The following MYT1L variants were observed in gnomAD, a reference collection of about 807,000 sequenced individuals.
MYT1L encodes the protein myelin transcription factor 1-like protein.
Under a neutral mutation model 126.7 loss-of-function variants are expected in MYT1L, and 12 were observed. The observed-to-expected ratio is 0.09, with a 90% CI of 0.06 to 0.15. The LOEUF (loss-of-function observed/expected upper bound fraction) is 0.15, where lower values mean the gene tolerates loss of function less well. Ranked by LOEUF, MYT1L falls within the 10% of genes least tolerant of loss-of-function variation. The pLI, the probability that MYT1L is intolerant of heterozygous loss-of-function variation, is 1.00. For missense variants in MYT1L, 979 were observed against 1,585.2 expected, an observed-to-expected ratio of 0.62 and a Z score of 6.49; for synonymous variants, 541 against 604.2, an observed-to-expected ratio of 0.90 and a Z score of 1.53.
At chr2:1,949,196 T>C (rs758201189) in intron 8 of MYT1L, among the ~76,000 whole-genome samples, 21 of 152,344 alleles carry the variant, frequency 1.4e-4, no homozygotes, top group Middle Eastern at 6.8e-3. Context: ...TGTCTTATCC[T>C]TGGACTTCTC....
At chr2:1,959,889 G>A (rs1216365088) in intron 8 of MYT1L, among the ~76,000 whole-genome samples, 1 of 152,202 alleles carries the variant, frequency 6.6e-6, no homozygotes, top group Middle Eastern at 3.2e-3. Flanking sequence ...ATCTTATTAT[G>A]AATTATACAT....
chr2:2,064,926 C>T (rs765642479), intron 3 of MYT1L, among the ~76,000 whole-genome samples: 8 of 152,162 alleles, frequency 5.3e-5, no homozygotes, highest in Non-Finnish European at 1.0e-4. Context: ...GGTACAGTGA[C>T]TCTTGTGCCT....
At chr2:2,047,282 A>T (rs1247161896) in intron 4 of MYT1L, among the ~76,000 whole-genome samples, 1 of 152,184 alleles carries the variant, frequency 6.6e-6, no homozygotes, top group African/African-American at 2.4e-5. Flanking sequence ...ATATTCTATT[A>T]ATTCCCACCC....
chr2:1,917,445 G>T lies in MYT1L; in HGVS notation c.1484-106C>A. 1.5e-6 allele frequency: 2 copies of T among 1,377,134 alleles called. No individual in the cohort carries two copies. Among genetic ancestry groups the T allele is most frequent in the Non-Finnish European group, 2.0e-6 (2 of 1,006,798 alleles). 85.3% of individuals were successfully genotyped at this position (1,377,134 alleles called of 1,614,324 possible). A position where few individuals can be genotyped will look rare whatever the true frequency, so the allele number is the denominator to read the frequency against. On this transcript the variant is annotated intron_variant, in intron 10 of 24. Transcript: ENST00000647738. The surrounding 1 kb of genome is among the most constrained non-coding windows in gnomAD (Gnocchi z 5.9). ...CTTGCTAAAGAAAGAAATAAAGCAGGTGTCGGGGGCTAGGCTGTGACATCA... is the reference window on the plus strand; with the variant it reads ...CTTGCTAAAGAAAGAAATAAAGCAGTTGTCGGGGGCTAGGCTGTGACATCA...
At chr2:1,850,996 A>T (rs2043196402) in intron 19 of MYT1L, among the ~76,000 whole-genome samples, 1 of 151,926 alleles carries the variant, frequency 6.6e-6, no homozygotes, top group Admixed American at 6.6e-5. Context: ...CAAGTGGTAA[A>T]TTTTTTCTCG....
Position 2,090,909 on chromosome 2 carries a change from T to C in MYT1L, c.-303-36786A>G, listed in dbSNP as rs115373115. Among the ~76,000 whole-genome samples, 794 of 152,350 alleles carry C rather than the reference T, an allele frequency of 5.2e-3. 5 individuals carry two copies. Among genetic ancestry groups the C allele is most frequent in the African/African-American group, 0.018 (767 of 41,580 alleles). On this transcript the variant is annotated intron_variant, in intron 3 of 24. Coordinates refer to ENST00000647738, the MANE Select transcript of MYT1L (RefSeq NM_001303052.2). Reference sequence around the variant, plus strand: ...TCCTTCAGAAGCAACTCCTCATCCATTCAAGATTGATCATGAGATTGCAGC... The same window carrying C: ...TCCTTCAGAAGCAACTCCTCATCCACTCAAGATTGATCATGAGATTGCAGC...
At chr2:2,022,372 T>C (rs2065125035) in intron 4 of MYT1L, among the ~76,000 whole-genome samples, 1 of 152,198 alleles carries the variant, frequency 6.6e-6, no homozygotes, top group African/African-American at 2.4e-5. Context: ...TCATGCAAAT[T>C]TAAATGCCCT....
chr2:2,105,944 G>A (rs1293024168), intron 3 of MYT1L, among the ~76,000 whole-genome samples: 2 of 152,140 alleles, frequency 1.3e-5, no homozygotes, highest in Non-Finnish European at 2.9e-5. Context: ...TCCCGAGACA[G>A]GGTGATTCAT....
intron 1 of MYT1L, among the ~76,000 whole-genome samples, chr2:2,318,690 A>C (rs1476648497): frequency 1.3e-5 from 2 of 152,226 alleles, no homozygotes; most frequent in African/African-American, 4.8e-5. Flanking sequence ...TTCAGTACCA[A>C]ATGTGCCACA....
chr2:2,248,460 C>A (rs78010276), intron 2 of MYT1L, among the ~76,000 whole-genome samples: 9,128 of 151,990 alleles, frequency 0.06, 344 homozygotes, highest in South Asian at 0.18. Flanking sequence ...AAAGAAGAAC[C>A]AAAACCAATC....
rs1205797949 is a variant in MYT1L, at chr2:1,892,046, G to A, written c.2274C>T (p.Cys758=). Residue 758 remains cysteine, a synonymous_variant, in exon 15 of 25, where the codon TGC becomes TGT. Transcript: ENST00000647738. ...QNLSTKPQDL[C]ATRNPDMEVD... ...GCCCAGGCGCGCGTACCCGCGTGGCGCACAGGTCCTGCGGCTTGGTGCTCA... is the reference window on the plus strand; with the variant it reads ...GCCCAGGCGCGCGTACCCGCGTGGCACACAGGTCCTGCGGCTTGGTGCTCA... 5 of 1,532,168 alleles carry A rather than the reference G, an allele frequency of 3.3e-6. No homozygotes were observed. Among genetic ancestry groups the A allele is most frequent in the South Asian group, 2.4e-5 (2 of 83,820 alleles). The allele number at this position is 1,532,168 out of a possible 1,614,324, so 94.9% of individuals were successfully genotyped here.
chr2:1,921,374 T>G (rs1336564819), intron 10 of MYT1L, among the ~76,000 whole-genome samples: 1 of 152,168 alleles, frequency 6.6e-6, no homozygotes. Flanking sequence ...GGACACCGTC[T>G]TCTTTACAAA....
chr2:1,970,665 G>C (rs2059746558), intron 8 of MYT1L, among the ~76,000 whole-genome samples: 1 of 152,162 alleles, frequency 6.6e-6, no homozygotes. Context: ...GTCACATCAG[G>C]ACTCCCTCTC....
At chr2:2,191,747 G>A (rs17247324) in intron 2 of MYT1L, among the ~76,000 whole-genome samples, 19,790 of 152,124 alleles carry the variant, frequency 0.13, 1,290 homozygotes, top group Non-Finnish European at 0.15. Context: ...TGTGGGAATC[G>A]ATTTATTTCC....
Position 2,307,494 on chromosome 2 carries a change from T to C in MYT1L, c.-520-22991A>G, listed in dbSNP as rs184042307. On this transcript the variant is annotated intron_variant, in intron 1 of 24. Coordinates refer to ENST00000647738, the MANE Select transcript of MYT1L (RefSeq NM_001303052.2). Reference sequence around the variant, plus strand: ...TGGCAGGAAGTAGCCACTGATTGGCTGCCAGACTAATTATCCCAAAGAAGA... The same window carrying C: ...TGGCAGGAAGTAGCCACTGATTGGCCGCCAGACTAATTATCCCAAAGAAGA... 4.5e-4 allele frequency among the ~76,000 whole-genome samples: 68 copies of C among 152,214 alleles called. 1 individual carries two copies. In the East Asian group the frequency reaches 0.012, roughly 26 times the overall value.
chr2:2,311,863 G>A (rs1463793164), intron 1 of MYT1L, among the ~76,000 whole-genome samples: 1 of 152,214 alleles, frequency 6.6e-6, no homozygotes, highest in Non-Finnish European at 1.5e-5. Context: ...TGGCTTCAAT[G>A]TATTAACAAG....
chr2:1,977,043 T>G lies in MYT1L; in HGVS notation c.152+2122A>C, dbSNP rs562096603. 1.8e-4 allele frequency among the ~76,000 whole-genome samples: 28 copies of G among 152,316 alleles called. No individual in the cohort carries two copies. The East Asian group carries it at 5.4e-3, about 29-fold the overall frequency. ...TTTTTCAACTATACCACATTAGATG[T>G]TCTAGATAACTGAGTGCATTAAAAT... On this transcript the variant is annotated intron_variant, in intron 8 of 24. Coordinates refer to ENST00000647738, the MANE Select transcript of MYT1L (RefSeq NM_001303052.2).
Position 1,917,364 on chromosome 2 carries a change from A to G in MYT1L, c.1484-25T>C, listed in dbSNP as rs1210355210. 6.3e-7 allele frequency: 1 copy of G among 1,578,174 alleles called. No homozygotes were observed. The highest frequency in any genetic ancestry group is 1.7e-4 in the Middle Eastern group (1 of 5,868). ...TCTAAAAGCGACAACAGGTGCCAAGAGAATAAATGTTTACCAATCAAAGAC... is the reference window on the plus strand; with the variant it reads ...TCTAAAAGCGACAACAGGTGCCAAGGGAATAAATGTTTACCAATCAAAGAC... On this transcript the variant is annotated intron_variant, in intron 10 of 24. Coordinates refer to ENST00000647738, the MANE Select transcript of MYT1L (RefSeq NM_001303052.2). This position sits in a 1 kb window ranked among gnomAD's most constrained non-coding sequence, Gnocchi z 5.9.
intron 1 of MYT1L, among the ~76,000 whole-genome samples, chr2:2,315,935 A>G (rs891777952): frequency 6.6e-6 from 1 of 152,032 alleles, no homozygotes; most frequent in Non-Finnish European, 1.5e-5. Context: ...ACACCTCTCC[A>G]TTTATTTTCA....
Sources: allele counts gnomAD v4.1 joint callset (sites outside exome capture counted in the v4.1 genomes callset), GRCh38; gene constraint gnomAD v4.1.1; non-coding constraint Gnocchi (gnomAD v3.1); transcripts MANE v1.5; gene names NCBI Gene and HGNC (gene_info 2026-07-23, HGNC 2026-07-21).